Variants in NRBP2 observed in about 807,000 individuals in gnomAD.
The protein encoded by NRBP2 is nuclear receptor binding protein 2, also known as nuclear receptor-binding protein 2.
In NRBP2, 47 loss-of-function variants were observed where a neutral mutation model predicts 74.4. That is an observed-to-expected ratio of 0.63 (90% CI 0.50 to 0.81). The LOEUF (loss-of-function observed/expected upper bound fraction) is 0.81. Ranked by LOEUF, NRBP2 falls within the 30% of genes least tolerant of loss-of-function variation. The pLI, the probability that NRBP2 is intolerant of heterozygous loss-of-function variation, is 0.00. For synonymous variants in NRBP2, 312 were observed against 273.8 expected (o/e 1.14, Z -1.38); for missense variants, 613 against 690.1 (o/e 0.89, Z 1.25).
In NRBP2 at chr8:143,837,326, G is replaced by C. The variant is rs530017069; in HGVS notation, c.1077-27C>G. On this transcript the variant is annotated intron_variant, in intron 12 of 17. Transcript: ENST00000442628. This position sits in a 1 kb window ranked among gnomAD's most constrained non-coding sequence, Gnocchi z 4.3. ...TGGCATGGAAGTGGGAGGCACATGAGGGGCTGGCCGGGGCGAGGGGAGGGG... is the reference window on the plus strand; with the variant it reads ...TGGCATGGAAGTGGGAGGCACATGACGGGCTGGCCGGGGCGAGGGGAGGGG... 6.2e-7 allele frequency: 1 copy of C among 1,604,136 alleles called. No individual in the cohort carries two copies. Among genetic ancestry groups the C allele is most frequent in the South Asian group, 1.1e-5 (1 of 89,964 alleles).
In NRBP2 at chr8:143,839,236, G is replaced by T; in HGVS notation, c.581-41C>A. On this transcript the variant is annotated intron_variant, in intron 6 of 17. Coordinates refer to ENST00000442628, the MANE Select transcript of NRBP2 (RefSeq NM_178564.4). The surrounding 1 kb of genome is among the most constrained non-coding windows in gnomAD (Gnocchi z 5.1). ...AGAAAGAGTGGAGTTAGCTGCTGGGGCATCAGAACTCCTCTGCCCTTGGCT... is the reference window on the plus strand; with the variant it reads ...AGAAAGAGTGGAGTTAGCTGCTGGGTCATCAGAACTCCTCTGCCCTTGGCT... 7 of 1,532,314 alleles carry T rather than the reference G, an allele frequency of 4.6e-6. No individual in the cohort carries two copies. The highest frequency in any genetic ancestry group is 1.7e-6 in the Non-Finnish European group (2 of 1,143,812). The allele number at this position is 1,532,314 out of a possible 1,614,324, so 94.9% of individuals were successfully genotyped here.
chr8:143,840,897 C>T lies in NRBP2; in HGVS notation c.-63G>A. On this transcript the variant is annotated 5_prime_UTR_variant, in exon 1 of 18. Coordinates refer to ENST00000442628, the MANE Select transcript of NRBP2 (RefSeq NM_178564.4). The surrounding 1 kb of genome is among the most constrained non-coding windows in gnomAD (Gnocchi z 5.7). The stretch of plus-strand genomic sequence containing the variant: ...CGCCGCCGGCGCAGCCTCTCCCGGC[C>T]CGCCCTGGCCTCGCGCCCAGCAGCC... 1 of 1,236,720 alleles carries T rather than the reference C, an allele frequency of 8.1e-7. No homozygotes were observed. The allele number at this position is 1,236,720 out of a possible 1,614,324, so 76.6% of individuals were successfully genotyped here. A position where few individuals can be genotyped will look rare whatever the true frequency, so the allele number is the denominator to read the frequency against.
At position 143,839,286 on chromosome 8, in the gene NRBP2, C is replaced by T. The variant is rs1050524764; in HGVS notation, c.580+28G>A. ...TCCAGGCACCTTCCCCTGCCCCGTT[C>T]CCCCACCCAGCCCTGCCCCGCCAGC... On this transcript the variant is annotated intron_variant, in intron 6 of 17. Coordinates refer to ENST00000442628, the MANE Select transcript of NRBP2 (RefSeq NM_178564.4). This position sits in a 1 kb window ranked among gnomAD's most constrained non-coding sequence, Gnocchi z 5.1. 25 of 1,525,572 alleles carry T rather than the reference C, an allele frequency of 1.6e-5. No homozygotes were observed. In the African/African-American group the frequency reaches 3.2e-4, roughly 19 times the overall value. The allele number at this position is 1,525,572 out of a possible 1,614,324, so 94.5% of individuals were successfully genotyped here. A position where few individuals can be genotyped will look rare whatever the true frequency, so the allele number is the denominator to read the frequency against.
At position 143,837,973 on chromosome 8, in the gene NRBP2, C is replaced by T. The variant is rs1554652428; in HGVS notation, c.841-218G>A. The T allele has an allele frequency of 4.2e-6, 3 of 709,600 alleles. No homozygotes were observed. The Admixed American group carries it at 6.0e-5, about 14-fold the overall frequency. 44.0% of individuals were successfully genotyped at this position (709,600 alleles called of 1,614,324 possible). A position where few individuals can be genotyped will look rare whatever the true frequency, so the allele number is the denominator to read the frequency against. On this transcript the variant is annotated intron_variant, in intron 10 of 17. Transcript: ENST00000442628. This position sits in a 1 kb window ranked among gnomAD's most constrained non-coding sequence, Gnocchi z 4.3. Reference sequence around the variant, plus strand: ...TGGGTTCTGGGATTGGAGCACCATGCTCTGCTTCCCTCGACCCCCAAAAAA... The same window carrying T: ...TGGGTTCTGGGATTGGAGCACCATGTTCTGCTTCCCTCGACCCCCAAAAAA...
rs368872111 is a variant in NRBP2 at position 143,835,767 on chromosome 8, C to T, written c.1438-37G>A. 295 of 1,595,578 alleles carry T rather than the reference C, an allele frequency of 1.8e-4. No individual in the cohort carries two copies. The highest frequency in any genetic ancestry group is 2.2e-4 in the African/African-American group (16 of 74,094). On this transcript the variant is annotated intron_variant, in intron 17 of 17. Coordinates refer to ENST00000442628, the MANE Select transcript of NRBP2 (RefSeq NM_178564.4). This position sits in a 1 kb window ranked among gnomAD's most constrained non-coding sequence, Gnocchi z 4.9. ...GGGAGGCATGGGGGACGGAGGGGCG[C>T]GGCCTGCCCCGTGCGCCCCCTCCGC...
chr8:143,836,102 CG>C (rs1818367579), intron 15 of NRBP2, 24 bp downstream of exon 15: 1 of 1,597,234 alleles, frequency 6.3e-7, no homozygotes, highest in Non-Finnish European at 8.5e-7. Flanking sequence ...CCCACGGCAG[CG>C]CCGCCCTCCC....
intron 14 of NRBP2, 59 bp downstream of exon 14, chr8:143,836,980 C>T (rs1189014823): frequency 2.5e-6 from 4 of 1,568,936 alleles, no homozygotes; most frequent in East Asian, 4.5e-5. Flanking sequence ...AGGGGCACCT[C>T]TTATCTGGCT....
rs1480011110 is a variant in NRBP2, at chr8:143,835,628, C to T, written c.*34G>A. The T allele has an allele frequency of 1.7e-5, 26 of 1,534,830 alleles. No homozygotes were observed. The highest frequency in any genetic ancestry group is 2.8e-5 in the African/African-American group (2 of 72,020). ...CCCAACATGGCCTGCCCAGGCAGCA[C>T]CCCGGCATGGTCCCCTGGGGCTGGG... On this transcript the variant is annotated 3_prime_UTR_variant, in exon 18 of 18. Transcript: ENST00000442628. The surrounding 1 kb of genome is among the most constrained non-coding windows in gnomAD (Gnocchi z 4.9).
rs782269600 is a variant in NRBP2 at position 143,839,709 on chromosome 8, G to A, written c.444+27C>T. On this transcript the variant is annotated intron_variant, in intron 4 of 17. Transcript: ENST00000442628. This position sits in a 1 kb window ranked among gnomAD's most constrained non-coding sequence, Gnocchi z 5.1. ...GCTGCCCCAACCCCGTCCTGTCCCC[G>A]TGGCTGCCCCAGCCCGCTCCCCATA... The A allele has an allele frequency of 7.8e-6, 12 of 1,533,770 alleles. No individual in the cohort carries two copies. Among genetic ancestry groups the A allele is most frequent in the East Asian group, 2.4e-5 (1 of 40,866 alleles).
At chr8:143,831,072 C>T (rs555950588), downstream of NRBP2, among the ~76,000 whole-genome samples, 1 of 152,322 alleles carries the variant, frequency 6.6e-6, no homozygotes, top group East Asian at 1.9e-4. Flanking sequence ...TGGTCTGCCA[C>T]CACCACCAGG....
Position 143,839,571 on chromosome 8 carries a change from C to T in NRBP2, c.445-22G>A, listed in dbSNP as rs1818601002. 4 of 1,527,652 alleles carry T rather than the reference C, an allele frequency of 2.6e-6. No individual in the cohort carries two copies. Among genetic ancestry groups the T allele is most frequent in the East Asian group, 2.5e-5 (1 of 40,758 alleles). 94.6% of individuals were successfully genotyped at this position (1,527,652 alleles called of 1,614,324 possible). On this transcript the variant is annotated intron_variant, in intron 4 of 17. Coordinates refer to ENST00000442628, the MANE Select transcript of NRBP2 (RefSeq NM_178564.4). The surrounding 1 kb of genome is among the most constrained non-coding windows in gnomAD (Gnocchi z 5.1). Reference sequence around the variant, plus strand: ...AGGCCTGGCGGCGGACGCACGACTCCGTCGGTCGGGTGGGCGCAGGAGAGG... The same window carrying T: ...AGGCCTGGCGGCGGACGCACGACTCTGTCGGTCGGGTGGGCGCAGGAGAGG...
intron 10 of NRBP2, chr8:143,838,145 G>T: frequency 2.3e-6 from 1 of 434,968 alleles, no homozygotes. Flanking sequence ...GCTCCAGCTC[G>T]CCACCAGCCC....
chr8:143,831,041 G>C (rs1818144091), downstream of NRBP2, among the ~76,000 whole-genome samples: 1 of 152,234 alleles, frequency 6.6e-6, no homozygotes. Flanking sequence ...CAATGGAGGG[G>C]GTGGATGGGA....
At position 143,838,936 on chromosome 8, in the gene NRBP2, C is replaced by T. The variant is rs1452755872; in HGVS notation, c.691G>A (p.Val231Met). 1.2e-6 allele frequency: 2 copies of T among 1,605,842 alleles called. No individual in the cohort carries two copies. The highest frequency in any genetic ancestry group is 1.7e-6 in the Non-Finnish European group (2 of 1,176,224). ...LHFFPPEYGE[V>M]ADGTAVDIFS... is the part of the protein sequence containing the mutation. ...ATGTCCACAGCGGTCCCATCGGCCA[C>T]CTCTGAACAGAAGAGAGCACAGGAC... Residue 231 changes from valine (V) to methionine (M), a missense_variant and splice_region_variant, in exon 9 of 18, where the codon GTG (valine) becomes ATG (methionine). Transcript: ENST00000442628.
rs782185349 is a variant in NRBP2 at position 143,839,840 on chromosome 8, C to T, written c.355-15G>A. On this transcript the variant is annotated splice_polypyrimidine_tract_variant and intron_variant, in intron 3 of 17. Coordinates refer to ENST00000442628, the MANE Select transcript of NRBP2 (RefSeq NM_178564.4). The surrounding 1 kb of genome is among the most constrained non-coding windows in gnomAD (Gnocchi z 5.1). ...ATGAAGATGACCTGCACGGTGCGAG[C>T]TCAGGATTTCCACCAGCTGCGGGTT... 6 of 1,536,012 alleles carry T rather than the reference C, an allele frequency of 3.9e-6. No homozygotes were observed. The highest frequency in any genetic ancestry group is 1.4e-5 in the African/African-American group (1 of 73,164).
chr8:143,836,698 TG>T (rs58600986), intron 14 of NRBP2, among the ~76,000 whole-genome samples: 9 of 10,124 alleles, frequency 8.9e-4, no homozygotes, highest in Middle Eastern at 0.05. Flanking sequence ...ATGGGAGGGG[TG>T]GGGGGGGTGG....
At chr8:143,836,087 C>T (rs782776312) in intron 15 of NRBP2, 40 bp downstream of exon 15, 19 of 1,590,410 alleles carry the variant, frequency 1.2e-5, no homozygotes, top group Non-Finnish European at 3.4e-6. Flanking sequence ...CACGCTCCCG[C>T]CTTCCCCACG....
At chr8:143,830,984 A>G (rs1378812049), downstream of NRBP2, among the ~76,000 whole-genome samples, 1 of 152,238 alleles carries the variant, frequency 6.6e-6, no homozygotes, top group African/African-American at 2.4e-5. Context: ...GAATAGCAGT[A>G]ACACAGGTGG....
rs1255924326 is a variant in NRBP2 at position 143,837,213 on chromosome 8, C to T, written c.1127+36G>A. On this transcript the variant is annotated intron_variant, in intron 13 of 17. Transcript: ENST00000442628. The surrounding 1 kb of genome is among the most constrained non-coding windows in gnomAD (Gnocchi z 4.3). ...AGGGTGGCTGGGGGTTCAGGCCTGACAGCTGCCTGGCCCCCAACCTTACAT... is the reference window on the plus strand; with the variant it reads ...AGGGTGGCTGGGGGTTCAGGCCTGATAGCTGCCTGGCCCCCAACCTTACAT... 8 of 1,613,792 alleles carry T rather than the reference C, an allele frequency of 5.0e-6. No individual in the cohort carries two copies. Among genetic ancestry groups the T allele is most frequent in the Non-Finnish European group, 6.8e-6 (8 of 1,179,978 alleles).
Sources: allele counts gnomAD v4.1 joint callset (sites outside exome capture counted in the v4.1 genomes callset), GRCh38; gene constraint gnomAD v4.1.1; non-coding constraint Gnocchi (gnomAD v3.1); transcripts MANE v1.5; gene names NCBI Gene and HGNC (gene_info 2026-07-23, HGNC 2026-07-21).